BCR: variants seen among roughly 807,000 people sequenced by gnomAD.
BCR encodes BCR activator of RhoGEF and GTPase.
Under a neutral mutation model 138.6 loss-of-function variants are expected in BCR, and 58 were observed. The ratio of observed to expected loss-of-function variants is 0.42; its 90% CI spans 0.34 to 0.52. BCR has a LOEUF of 0.52. BCR is among the 20% of genes least tolerant of loss of function. BCR has a pLI of 0.06. For missense variants in BCR, 1,599 were observed against 1,727.2 expected (o/e 0.93, Z 1.32); for synonymous variants, 786 against 730.1 (o/e 1.08, Z -1.23).
chr22:23,284,757 C>T (rs951574925), intron 9 of BCR, among the ~76,000 whole-genome samples: 1 of 152,208 alleles, frequency 6.6e-6, no homozygotes, highest in Non-Finnish European at 1.5e-5. Flanking sequence ...TGTGCTCCCA[C>T]ATGAGCCTTC....
At chr22:23,256,821 T>C (rs2073300308) in intron 2 of BCR, among the ~76,000 whole-genome samples, 1 of 152,172 alleles carries the variant, frequency 6.6e-6, no homozygotes, top group African/African-American at 2.4e-5. Flanking sequence ...TCACCTGTTC[T>C]CTGTTGGCTT....
chr22:23,219,056 A>G (rs2072790564), intron 1 of BCR, among the ~76,000 whole-genome samples: 1 of 152,164 alleles, frequency 6.6e-6, no homozygotes, highest in East Asian at 1.9e-4. Flanking sequence ...CCGCTGCCCT[A>G]ATGGCTGTGA....
intron 16 of BCR, among the ~76,000 whole-genome samples, chr22:23,299,344 A>G (rs762176996): frequency 6.6e-6 from 1 of 152,130 alleles, no homozygotes; most frequent in Non-Finnish European, 1.5e-5. Context: ...CACATGGACC[A>G]TGTCTCATTC....
At chr22:23,211,206 G>A (rs140405906) in intron 1 of BCR, among the ~76,000 whole-genome samples, 70 of 152,168 alleles carry the variant, frequency 4.6e-4, no homozygotes, top group East Asian at 4.0e-3. Flanking sequence ...TTATTTGTTT[G>A]TTTTTTGTTG....
chr22:23,304,240 CCT>C (rs1053091461), intron 16 of BCR, among the ~76,000 whole-genome samples: 5 of 151,856 alleles, frequency 3.3e-5, no homozygotes, highest in Admixed American at 2.6e-4. Context: ...GTGCCCAGCC[CCT>C]GTTCCCAGTT....
At chr22:23,209,408 G>A (rs1005446284) in intron 1 of BCR, among the ~76,000 whole-genome samples, 1 of 152,080 alleles carries the variant, frequency 6.6e-6, no homozygotes, top group Admixed American at 6.5e-5. Flanking sequence ...TATTCCATTG[G>A]TAGACACACA....
chr22:23,228,657 C>G (rs1210282478), intron 1 of BCR, among the ~76,000 whole-genome samples: 2 of 152,164 alleles, frequency 1.3e-5, no homozygotes, highest in Non-Finnish European at 2.9e-5. Flanking sequence ...CAGTTCCTTT[C>G]TTTTAGGACT....
At chr22:23,290,898 CAT>C (rs566207311) in intron 14 of BCR, 3 of 193,992 alleles carry the variant, frequency 1.5e-5, no homozygotes, top group East Asian at 2.4e-4. Flanking sequence ...GCTGGTAACA[CAT>C]GAGTTGCACT....
In BCR at chr22:23,287,275, C is replaced by A; in HGVS notation, c.2523C>A (p.Gly841=). ...CCTTCAGGGTGCACAGCCGCAACGG[C>A]AAGGTGAGCGCCTGCTGTTCCGGCC... The part of the protein sequence containing the change: ...SMAFRVHSRN[G]KSYTFLISSD... Residue 841 remains glycine, a synonymous_variant, in exon 11 of 23, where the codon GGC becomes GGA. Coordinates refer to ENST00000305877, the MANE Select transcript of BCR (RefSeq NM_004327.4). The A allele has an allele frequency of 6.5e-7, 1 of 1,544,338 alleles. No individual in the cohort carries two copies. The highest frequency in any genetic ancestry group is 1.2e-5 in the South Asian group (1 of 82,260).
intron 14 of BCR, 37 bp downstream of exon 14, chr22:23,290,450 G>T: frequency 6.3e-7 from 1 of 1,591,060 alleles, no homozygotes. Flanking sequence ...TGCAGCGGCC[G>T]AGCCAGGGTC....
In BCR at chr22:23,314,049, T is replaced by A; in HGVS notation, c.3539T>A (p.Leu1180His). 2 of 1,613,432 alleles carry A rather than the reference T, an allele frequency of 1.2e-6. No individual in the cohort carries two copies. Among genetic ancestry groups the A allele is most frequent in the Non-Finnish European group, 1.7e-6 (2 of 1,179,892 alleles). Reference protein sequence around the residue: ...SLPEANLLTFLFLLDHLKRVA... With the variant: ...SLPEANLLTFHFLLDHLKRVA... ...CCGGAGGCCAACCTGCTCACCTTCC[T>A]TTTCCTTCTGGACCACCTGAAAAGG... The change falls in exon 21 of 23, where the codon CTT (leucine) becomes CAT (histidine). Residue 1180 changes from leucine (L) to histidine (H), a missense_variant. By Grantham distance (99) the Leu-to-His change is moderately conservative (BLOSUM62 -3). Transcript: ENST00000305877.
chr22:23,287,996 G>A (rs1344120208), intron 11 of BCR, 101 bp from the exon 12 acceptor site: 10 of 1,158,076 alleles, frequency 8.6e-6, no homozygotes, highest in South Asian at 6.2e-5. Flanking sequence ...GCTCCAGCCG[G>A]CTGGAGATAC....
intron 14 of BCR, among the ~76,000 whole-genome samples, chr22:23,291,881 T>C (rs1475795810): frequency 6.6e-6 from 1 of 152,200 alleles, no homozygotes; most frequent in African/African-American, 2.4e-5. Flanking sequence ...CTGGTCTTTG[T>C]AGCTCTGGAT....
At chr22:23,309,644 G>A (rs1025076982) in intron 17 of BCR, 161 bp downstream of exon 17, 5 of 617,058 alleles carry the variant, frequency 8.1e-6, no homozygotes, top group Admixed American at 2.8e-5. Flanking sequence ...CACCATGCAC[G>A]GGAATCGTCA....
rs6003549 is a variant in BCR at position 23,196,690 on chromosome 22, C to T, written c.1279+14451C>T. 4.9e-3 allele frequency among the ~76,000 whole-genome samples: 739 copies of T among 152,284 alleles called. 5 individuals carry two copies. Among genetic ancestry groups the T allele is most frequent in the African/African-American group, 0.017 (696 of 41,548 alleles). On this transcript the variant is annotated intron_variant, in intron 1 of 22. Transcript: ENST00000305877. ...CTCAGATCATCAGGTATTAGATTCT[C>T]ATGAGGAGCCTGCACAGCCTAGATC...
intron 3 of BCR, 23 bp downstream of exon 3, chr22:23,261,077 A>G: frequency 6.2e-7 from 1 of 1,606,518 alleles, no homozygotes; most frequent in Non-Finnish European, 8.5e-7. Flanking sequence ...TAGGGAGCTG[A>G]GCAGGGCGGG....
intron 1 of BCR, among the ~76,000 whole-genome samples, chr22:23,244,853 G>A (rs1350013007): frequency 6.6e-6 from 1 of 152,164 alleles, no homozygotes; most frequent in Non-Finnish European, 1.5e-5. Flanking sequence ...CCTCTGCCCT[G>A]CCCCCGCACC....
intron 3 of BCR, 56 bp from the exon 4 acceptor site, chr22:23,261,299 A>AC: frequency 3.9e-6 from 6 of 1,543,524 alleles, no homozygotes; most frequent in Non-Finnish European, 5.3e-6. Flanking sequence ...CATACAATGC[A>AC]CCTGACGGAT....
At chr22:23,258,765 C>T (rs2073323915) in intron 2 of BCR, among the ~76,000 whole-genome samples, 1 of 152,244 alleles carries the variant, frequency 6.6e-6, no homozygotes, top group Non-Finnish European at 1.5e-5. Context: ...GACAGAGACT[C>T]CTCCGGGCCT....
Sources: gnomAD v4.1 joint callset for allele counts (sites outside exome capture counted in the v4.1 genomes callset) on GRCh38, gnomAD v4.1.1 for gene constraint, MANE v1.5 for transcripts, NCBI Gene and HGNC (gene_info 2026-07-23, HGNC 2026-07-21) for gene names.